The following RERGL variants were observed in gnomAD, a reference collection of about 807,000 sequenced individuals.
RERGL encodes the protein ras-related and estrogen-regulated growth inhibitor-like protein.
A neutral mutation model predicts 24.7 loss-of-function variants in RERGL; 22 were observed. That is an observed-to-expected ratio of 0.89 (90% CI 0.64 to 1.27). The LOEUF (loss-of-function observed/expected upper bound fraction) is 1.27, where lower values mean the gene tolerates loss of function less well. Ranked by LOEUF, RERGL falls within the 50% of genes most tolerant of loss-of-function variation. RERGL has a pLI of 0.00. For missense variants in RERGL, 259 were observed against 235.3 expected, an observed-to-expected ratio of 1.10 and a Z score of -0.66; for synonymous variants, 76 against 82.6, an observed-to-expected ratio of 0.92 and a Z score of 0.43.
At position 18,085,696 on chromosome 12, in the gene RERGL, G is replaced by A; in HGVS notation, c.110-3C>T. 2 of 1,520,668 alleles carry A rather than the reference G, an allele frequency of 1.3e-6. No individual in the cohort carries two copies. Among genetic ancestry groups the A allele is most frequent in the Non-Finnish European group, 1.8e-6 (2 of 1,103,240 alleles). 94.2% of individuals were successfully genotyped at this position (1,520,668 alleles called of 1,614,324 possible). On this transcript the variant is annotated splice_region_variant and splice_polypyrimidine_tract_variant and intron_variant, in intron 2 of 4. Transcript: ENST00000538724. ...CAAGTGCTTCTTATAGATAGATTCT[G>A]CAAAAATATGCATATCCACTGTCAG...
intron 2 of RERGL, among the ~76,000 whole-genome samples, chr12:18,087,928 T>C (rs967723078): frequency 2.6e-5 from 4 of 152,168 alleles, no homozygotes; most frequent in Admixed American, 1.3e-4. Context: ...GTTCATAATG[T>C]CATAGGGACT....
At chr12:18,089,028 G>C in intron 1 of RERGL, 72 bp from the exon 2 acceptor site, 1 of 1,307,402 alleles carries the variant, frequency 7.6e-7, no homozygotes, top group South Asian at 1.2e-5. Flanking sequence ...TGTGCATAAG[G>C]CTTTAGTTCT....
intron 4 of RERGL, among the ~76,000 whole-genome samples, chr12:18,082,414 T>A (rs1299145026): frequency 1.3e-5 from 2 of 152,136 alleles, no homozygotes; most frequent in Non-Finnish European, 2.9e-5. Context: ...GATGAAATAA[T>A]CTGTACAACA....
intron 1 of RERGL, 95 bp downstream of exon 1, chr12:18,089,994 T>G (rs1201869485): frequency 1.2e-6 from 1 of 803,078 alleles, no homozygotes; most frequent in African/African-American, 1.8e-5. Flanking sequence ...TTCATATATA[T>G]GAAATATATA....
At chr12:18,082,330 T>A (rs918725633) in intron 4 of RERGL, among the ~76,000 whole-genome samples, 1 of 152,050 alleles carries the variant, frequency 6.6e-6, no homozygotes, top group Non-Finnish European at 1.5e-5. Flanking sequence ...TGGTGCCTAT[T>A]GGAAGGTCGA....
chr12:18,088,994 T>A (rs756632903), intron 1 of RERGL, 38 bp from the exon 2 acceptor site: 1 of 1,518,380 alleles, frequency 6.6e-7, no homozygotes, highest in East Asian at 2.3e-5. Context: ...GCTGTTATAT[T>A]TTAGGAAACA....
chr12:18,081,162 A>G lies in RERGL; in HGVS notation c.*29T>C, dbSNP rs1947166332. On this transcript the variant is annotated 3_prime_UTR_variant, in exon 5 of 5. Coordinates refer to ENST00000538724, the MANE Select transcript of RERGL (RefSeq NM_001286201.2). The stretch of plus-strand genomic sequence containing the variant: ...ATGTGAATGTTTGAAACTCTCTGAT[A>G]TAGGAAATCTCCCAGGATTACCTGT... The G allele has an allele frequency of 1.3e-6, 2 of 1,562,430 alleles. No individual in the cohort carries two copies. The highest frequency in any genetic ancestry group is 3.6e-5 in the Admixed American group (2 of 55,830).
chr12:18,086,163 G>A (rs1023618128), intron 2 of RERGL, among the ~76,000 whole-genome samples: 1 of 150,310 alleles, frequency 6.7e-6, no homozygotes, highest in South Asian at 2.1e-4. Context: ...GTGAGCCACC[G>A]CGCCCAGCCA....
At chr12:18,083,598 T>C (rs1207991237) in intron 4 of RERGL, among the ~76,000 whole-genome samples, 3 of 152,080 alleles carry the variant, frequency 2.0e-5, no homozygotes, top group Non-Finnish European at 4.4e-5. Context: ...GTGGCTTACT[T>C]AAGGCAAATC....
chr12:18,085,222 T>G (rs1170956108), intron 3 of RERGL, among the ~76,000 whole-genome samples: 1 of 152,174 alleles, frequency 6.6e-6, no homozygotes, highest in Non-Finnish European at 1.5e-5. Context: ...CAAGGAGGTT[T>G]GTACTTAAAA....
intron 3 of RERGL, 58 bp downstream of exon 3, chr12:18,085,562 A>T: frequency 1.7e-6 from 2 of 1,199,140 alleles, no homozygotes; most frequent in Non-Finnish European, 1.2e-6. Context: ...TCAAATCATA[A>T]TTGCTAAAAA....
intron 4 of RERGL, among the ~76,000 whole-genome samples, chr12:18,084,127 T>C (rs892600467): frequency 2.0e-5 from 3 of 152,206 alleles, no homozygotes; most frequent in African/African-American, 4.8e-5. Context: ...TGACTAGGAA[T>C]TGGATTTCAT....
At position 18,081,493 on chromosome 12, in the gene RERGL, T is replaced by G. The variant is rs772036550; in HGVS notation, c.333-20A>C. On this transcript the variant is annotated intron_variant, in intron 4 of 4. Coordinates refer to ENST00000538724, the MANE Select transcript of RERGL (RefSeq NM_001286201.2). ...ACAGCTCTGAAATAGAGATACACAATTTTTAGCAAGATTGTTTTAACAACT... is the reference window on the plus strand; with the variant it reads ...ACAGCTCTGAAATAGAGATACACAAGTTTTAGCAAGATTGTTTTAACAACT... The G allele has an allele frequency of 6.7e-7, 1 of 1,491,730 alleles. No individual in the cohort carries two copies. The highest frequency in any genetic ancestry group is 1.4e-5 in the African/African-American group (1 of 70,530). The allele number at this position is 1,491,730 out of a possible 1,614,324, so 92.4% of individuals were successfully genotyped here.
chr12:18,085,390 T>C (rs1026594972), intron 3 of RERGL, among the ~76,000 whole-genome samples: 1 of 152,148 alleles, frequency 6.6e-6, no homozygotes, highest in African/African-American at 2.4e-5. Context: ...TTTAAAGATA[T>C]TTGTGATATG....
intron 4 of RERGL, 57 bp from the exon 5 acceptor site, chr12:18,081,530 A>ATT (rs1947172539): frequency 1.8e-6 from 2 of 1,139,938 alleles, no homozygotes; most frequent in African/African-American, 3.7e-5. Context: ...TTTTTTTTAA[A>ATT]AAAAAAAAAA....
chr12:18,083,942 C>T (rs1947195293), intron 4 of RERGL, among the ~76,000 whole-genome samples: 2 of 152,104 alleles, frequency 1.3e-5, no homozygotes. Flanking sequence ...GAAACAGTAG[C>T]TTAAGGTACA....
At chr12:18,086,242 A>G (rs1034592886) in intron 2 of RERGL, among the ~76,000 whole-genome samples, 6 of 151,860 alleles carry the variant, frequency 4.0e-5, no homozygotes, top group African/African-American at 1.5e-4. Flanking sequence ...TCATATACTT[A>G]TATTCCATCC....
intron 2 of RERGL, 145 bp from the exon 3 acceptor site, chr12:18,085,838 A>G: frequency 4.1e-6 from 2 of 482,222 alleles, no homozygotes; most frequent in South Asian, 6.0e-5. Flanking sequence ...GTATTTACTC[A>G]GATATGTTTC....
rs374628690 is a variant in RERGL, at chr12:18,084,632, G to T, written c.217C>A (p.Leu73Ile). The T allele has an allele frequency of 5.0e-6, 8 of 1,609,470 alleles. No individual in the cohort carries two copies. In the East Asian group the frequency reaches 1.8e-4, roughly 36 times the overall value. The change falls in exon 4 of 5, where the codon CTT (leucine) becomes ATT (isoleucine). Residue 73 changes from leucine (L) to isoleucine (I), a missense_variant. Transcript: ENST00000538724. ...ATAACAAACCCATCTGCCCAGTGAA[G>T]CTCACTTGTGAGGGAGAATTTTGCT... ...QKAKFSLTSE[L>I]HWADGFVIVY...
Sources: allele counts gnomAD v4.1 joint callset (sites outside exome capture counted in the v4.1 genomes callset), GRCh38; gene constraint gnomAD v4.1.1; transcripts MANE v1.5; gene names NCBI Gene and HGNC (gene_info 2026-07-23, HGNC 2026-07-21).